The following NUBPL variants were observed in gnomAD, a reference collection of about 807,000 sequenced individuals.
NUBPL encodes the protein NUBP iron-sulfur cluster assembly factor, mitochondrial.
NUBPL carries 31 observed loss-of-function variants against 45.7 expected under a neutral mutation model. The ratio of observed to expected loss-of-function variants is 0.68; its 90% CI spans 0.51 to 0.92. The LOEUF (loss-of-function observed/expected upper bound fraction) is 0.92, where lower values mean the gene tolerates loss of function less well. Among genes scored for constraint, NUBPL ranks in the 40% least tolerant of loss-of-function variants. The pLI is 0.00. For missense variants in NUBPL, 401 were observed against 398.7 expected (o/e 1.01, Z -0.05); for synonymous variants, 144 against 140.9 (o/e 1.02, Z -0.15).
At chr14:31,588,930 A>T (rs900828253) in intron 3 of NUBPL, among the ~76,000 whole-genome samples, 3 of 148,210 alleles carry the variant, frequency 2.0e-5, no homozygotes, top group African/African-American at 7.4e-5. Context: ...AAAAAAAAAA[A>T]TAGTAATTAC....
intron 6 of NUBPL, among the ~76,000 whole-genome samples, chr14:31,759,010 A>G (rs945213347): frequency 2.0e-5 from 3 of 152,036 alleles, no homozygotes; most frequent in South Asian, 2.1e-4. Flanking sequence ...TCCTCCATGT[A>G]TGGCACATAG....
chr14:31,621,794 G>C (rs946523247), intron 4 of NUBPL, among the ~76,000 whole-genome samples: 7 of 152,202 alleles, frequency 4.6e-5, no homozygotes, highest in Non-Finnish European at 8.8e-5. Context: ...GTCTTAGGTA[G>C]TTCTTTATAG....
chr14:31,663,356 G>T (rs2036321499), intron 4 of NUBPL, among the ~76,000 whole-genome samples: 1 of 152,102 alleles, frequency 6.6e-6, no homozygotes, highest in South Asian at 2.1e-4. Flanking sequence ...TTTTTCTAGG[G>T]CTTTTATGGT....
chr14:31,757,415 C>G (rs1036998735), intron 6 of NUBPL, among the ~76,000 whole-genome samples: 5 of 151,568 alleles, frequency 3.3e-5, no homozygotes, highest in African/African-American at 1.2e-4. Flanking sequence ...CAACTTCTTC[C>G]TGGTTTAGTC....
intron 3 of NUBPL, among the ~76,000 whole-genome samples, chr14:31,569,471 AC>A (rs2139458012): frequency 6.6e-6 from 1 of 152,340 alleles, no homozygotes; most frequent in South Asian, 2.1e-4. Flanking sequence ...TGCTGGAGTT[AC>A]AGGTGTGAGC....
intron 7 of NUBPL, among the ~76,000 whole-genome samples, chr14:31,798,531 G>T (rs1032955340): frequency 6.6e-6 from 1 of 151,506 alleles, no homozygotes; most frequent in African/African-American, 2.4e-5. Flanking sequence ...GGTGGCTCAC[G>T]CCTGTAATCC....
chr14:31,618,940 C>G (rs910126216), intron 4 of NUBPL, among the ~76,000 whole-genome samples: 2 of 152,128 alleles, frequency 1.3e-5, no homozygotes, highest in Non-Finnish European at 2.9e-5. Flanking sequence ...TTGTATGTCT[C>G]TAAGAACTTG....
intron 10 of NUBPL, among the ~76,000 whole-genome samples, chr14:31,858,049 GA>G (rs753161463): frequency 1.3e-5 from 2 of 152,166 alleles, no homozygotes; most frequent in Non-Finnish European, 2.9e-5. Context: ...AGGTTTATTG[GA>G]CTTACAGTTC....
intron 6 of NUBPL, among the ~76,000 whole-genome samples, chr14:31,712,968 A>G (rs1326116430): frequency 6.6e-6 from 1 of 152,208 alleles, no homozygotes; most frequent in Non-Finnish European, 1.5e-5. Flanking sequence ...ACTTAGGAAC[A>G]TAGGAATTAG....
intron 7 of NUBPL, among the ~76,000 whole-genome samples, chr14:31,817,846 A>G (rs887158631): frequency 6.6e-6 from 1 of 152,232 alleles, no homozygotes; most frequent in Non-Finnish European, 1.5e-5. Context: ...AAATGCCCCA[A>G]TTAAAAGATG....
At chr14:31,801,766 T>A (rs997607774) in intron 7 of NUBPL, among the ~76,000 whole-genome samples, 2 of 152,220 alleles carry the variant, frequency 1.3e-5, no homozygotes, top group Non-Finnish European at 2.9e-5. Context: ...ACTGAGCAAC[T>A]GAGAGGGAAG....
intron 6 of NUBPL, among the ~76,000 whole-genome samples, 154 bp from the exon 7 acceptor site, chr14:31,787,626 A>G (rs2039307211): frequency 6.6e-6 from 1 of 152,214 alleles, no homozygotes; most frequent in African/African-American, 2.4e-5. Flanking sequence ...TTATTCATCC[A>G]TGTATCCTTA....
chr14:31,808,744 G>C (rs530240970), intron 7 of NUBPL, among the ~76,000 whole-genome samples: 1 of 152,244 alleles, frequency 6.6e-6, no homozygotes, highest in African/African-American at 2.4e-5. Flanking sequence ...TATGATACTG[G>C]CTGTGGGTTT....
At chr14:31,600,970 T>A (rs1372383408) in intron 4 of NUBPL, among the ~76,000 whole-genome samples, 5 of 151,882 alleles carry the variant, frequency 3.3e-5, no homozygotes, top group East Asian at 1.9e-4. Flanking sequence ...CTTTCTACAT[T>A]TGGCTAGCCA....
intron 6 of NUBPL, among the ~76,000 whole-genome samples, chr14:31,762,479 G>T (rs2038832572): frequency 6.6e-6 from 1 of 152,160 alleles, no homozygotes; most frequent in Admixed American, 6.5e-5. Context: ...GCATATTCTA[G>T]TATAGAACCC....
intron 3 of NUBPL, among the ~76,000 whole-genome samples, chr14:31,585,304 T>C (rs1372257233): frequency 6.6e-6 from 1 of 152,230 alleles, no homozygotes; most frequent in Non-Finnish European, 1.5e-5. Context: ...TGGGCCACAT[T>C]GAAAGCTGTT....
At chr14:31,813,214 C>G (rs757323150) in intron 7 of NUBPL, among the ~76,000 whole-genome samples, 5 of 151,980 alleles carry the variant, frequency 3.3e-5, no homozygotes, top group African/African-American at 7.3e-5. Flanking sequence ...GTCTCAATCT[C>G]CTGACCTCAT....
intron 10 of NUBPL, among the ~76,000 whole-genome samples, chr14:31,858,460 T>C (rs1017795261): frequency 1.2e-4 from 19 of 152,244 alleles, no homozygotes; most frequent in Non-Finnish European, 2.2e-4. Context: ...AAAGGAACTC[T>C]TAAAATGCAA....
chr14:31,847,388 G>T (rs1387834990), intron 9 of NUBPL, among the ~76,000 whole-genome samples: 1 of 152,156 alleles, frequency 6.6e-6, no homozygotes, highest in Non-Finnish European at 1.5e-5. Flanking sequence ...AATATTTAAT[G>T]TGTTTGATAT....
Sources: allele counts gnomAD v4.1 joint callset (sites outside exome capture counted in the v4.1 genomes callset), GRCh38; gene constraint gnomAD v4.1.1; transcripts MANE v1.5; gene names NCBI Gene and HGNC (gene_info 2026-07-23, HGNC 2026-07-21).